PLA1A: variants seen among roughly 807,000 people sequenced by gnomAD.
PLA1A encodes the protein phosphatidylserine-specific phospholipase A1alpha.
Under a neutral mutation model 49.4 loss-of-function variants are expected in PLA1A, and 47 were observed. The ratio of observed to expected loss-of-function variants is 0.95; its 90% CI spans 0.75 to 1.21. The LOEUF (loss-of-function observed/expected upper bound fraction) is 1.21. Ranked by LOEUF, PLA1A falls within the 50% of genes most tolerant of loss-of-function variation. PLA1A has a pLI of 0.00. For missense variants in PLA1A, 561 were observed against 563.9 expected, an observed-to-expected ratio of 0.99 and a Z score of 0.05; for synonymous variants, 224 against 207.9, an observed-to-expected ratio of 1.08 and a Z score of -0.67.
chr3:119,603,262 T>C (rs1326775277), intron 1 of PLA1A, among the ~76,000 whole-genome samples: 1 of 152,138 alleles, frequency 6.6e-6, no homozygotes, highest in African/African-American at 2.4e-5. Context: ...GCTATGGCAG[T>C]GGCTGTGAGA....
chr3:119,602,964 C>T (rs541454816), intron 1 of PLA1A, among the ~76,000 whole-genome samples: 24 of 152,236 alleles, frequency 1.6e-4, no homozygotes, highest in African/African-American at 5.8e-4. Context: ...CGGGCAAAGA[C>T]CCTCAGGCAG....
chr3:119,601,691 G>T (rs1219202686), intron 1 of PLA1A, among the ~76,000 whole-genome samples: 5 of 152,048 alleles, frequency 3.3e-5, no homozygotes, highest in African/African-American at 4.8e-5. Flanking sequence ...CCATTGCATT[G>T]TCTTGTTTCA....
intron 7 of PLA1A, among the ~76,000 whole-genome samples, chr3:119,619,174 T>C (rs1032131): frequency 0.51 from 77,320 of 151,666 alleles, 20,189 homozygotes; most frequent in East Asian, 0.88. Flanking sequence ...ATGCCCTCTC[T>C]CCACCTGTCA....
At chr3:119,617,043 T>C (rs1295331845) in intron 6 of PLA1A, among the ~76,000 whole-genome samples, 2 of 152,156 alleles carry the variant, frequency 1.3e-5, no homozygotes, top group African/African-American at 2.4e-5. Context: ...AGCAACGAGG[T>C]CTCAAGGTGC....
At chr3:119,600,476 G>C in intron 1 of PLA1A, 1 of 694,976 alleles carries the variant, frequency 1.4e-6, no homozygotes, top group Non-Finnish European at 2.6e-6. Flanking sequence ...CCTATTTGCT[G>C]TGGGGCCTGC....
intron 8 of PLA1A, among the ~76,000 whole-genome samples, chr3:119,624,662 G>A (rs1301031925): frequency 2.0e-5 from 3 of 149,604 alleles, no homozygotes; most frequent in Non-Finnish European, 4.4e-5. Context: ...ACGGAGTCTT[G>A]CTCTGCCGCC....
chr3:119,606,875 T>C lies in PLA1A; in HGVS notation c.175T>C (p.Ser59Pro). The C allele has an allele frequency of 6.2e-7, 1 of 1,614,114 alleles. No individual in the cohort carries two copies. Among genetic ancestry groups the C allele is most frequent in the Non-Finnish European group, 8.5e-7 (1 of 1,179,990 alleles). ...LKVQFLLFVPSNPSCGQLVEG... is the reference protein window; with the variant it reads ...LKVQFLLFVPPNPSCGQLVEG... The stretch of plus-strand genomic sequence containing the variant: ...AGTCCAGTTTCTCCTCTTTGTCCCT[T>C]CGAATCCTAGCTGTGGGCAGCTAGT... The change falls in exon 2 of 11, where the codon TCG (serine) becomes CCG (proline). Residue 59 changes from serine to proline, a missense_variant. Transcript: ENST00000273371.
At chr3:119,617,714 G>C (rs1004505564) in intron 6 of PLA1A, among the ~76,000 whole-genome samples, 2 of 149,990 alleles carry the variant, frequency 1.3e-5, no homozygotes, top group African/African-American at 2.5e-5. Context: ...TTACACTCCA[G>C]CCTGGGTGAC....
chr3:119,610,192 A>G (rs1333897167), intron 4 of PLA1A, among the ~76,000 whole-genome samples: 1 of 152,226 alleles, frequency 6.6e-6, no homozygotes, highest in Non-Finnish European at 1.5e-5. Context: ...TCCATAGGGT[A>G]TATGTACCAC....
At chr3:119,602,104 T>C (rs752595526) in intron 1 of PLA1A, among the ~76,000 whole-genome samples, 1 of 152,188 alleles carries the variant, frequency 6.6e-6, no homozygotes, top group African/African-American at 2.4e-5. Flanking sequence ...TGTTTATGTT[T>C]ATAAATGAAA....
At chr3:119,607,029 T>G in intron 2 of PLA1A, 54 bp downstream of exon 2, 1 of 1,405,548 alleles carries the variant, frequency 7.1e-7, no homozygotes, top group South Asian at 1.2e-5. Flanking sequence ...CAAGTAACCA[T>G]AATACCATAA....
intron 1 of PLA1A, among the ~76,000 whole-genome samples, chr3:119,604,484 A>G (rs2082660304): frequency 6.6e-6 from 1 of 152,232 alleles, no homozygotes; most frequent in African/African-American, 2.4e-5. Context: ...ACTGGAGGCC[A>G]TTATGTTAAG....
rs759456579 is a variant in PLA1A, at chr3:119,625,277, G to A, written c.1121+45G>A. On this transcript the variant is annotated intron_variant, in intron 9 of 10. Transcript: ENST00000273371. ...GGTTGACTCCTCCCCTTAGGAGTTG[G>A]TTACTTTTTCATTTTACACACATGG... 3.2e-6 allele frequency: 4 copies of A among 1,269,794 alleles called. No homozygotes were observed. The African/African-American group carries it at 5.9e-5, about 19-fold the overall frequency. 78.7% of individuals were successfully genotyped at this position (1,269,794 alleles called of 1,614,324 possible). A position where few individuals can be genotyped will look rare whatever the true frequency, so the allele number is the denominator to read the frequency against.
intron 5 of PLA1A, among the ~76,000 whole-genome samples, chr3:119,613,478 T>G (rs2082797529): frequency 6.6e-6 from 1 of 152,222 alleles, no homozygotes; most frequent in African/African-American, 2.4e-5. Context: ...GAAGATTTTT[T>G]AGGATGGGTG....
At chr3:119,615,751 C>T (rs567663235) in intron 5 of PLA1A, among the ~76,000 whole-genome samples, 1 of 151,400 alleles carries the variant, frequency 6.6e-6, no homozygotes, top group Non-Finnish European at 1.5e-5. Flanking sequence ...GCGGAGGTTG[C>T]AGTGAGAGAA....
intron 7 of PLA1A, 147 bp from the exon 8 acceptor site, chr3:119,619,416 C>T (rs1486638445): frequency 4.6e-6 from 3 of 656,318 alleles, no homozygotes; most frequent in Non-Finnish European, 8.5e-6. Context: ...TCCCAGGACT[C>T]ACCTTAGAAT....
rs367586625 is a variant in PLA1A, at chr3:119,611,336, T to A, written c.563-1681T>A. 1.8e-4 allele frequency among the ~76,000 whole-genome samples: 27 copies of A among 152,346 alleles called. No individual in the cohort carries two copies. The East Asian group carries it at 4.8e-3, about 27-fold the overall frequency. On this transcript the variant is annotated intron_variant, in intron 4 of 10. Coordinates refer to ENST00000273371, the MANE Select transcript of PLA1A (RefSeq NM_015900.4). ...GTGCCATATGAATTTTAGAATAGAT[T>A]TTTATAATTCTGTGAAAAATGACAT...
Position 119,597,924 on chromosome 3 carries a change from G to A in PLA1A, c.11G>A (p.Gly4Asp), listed in dbSNP as rs371927892. 8 of 1,609,466 alleles carry A rather than the reference G, an allele frequency of 5.0e-6. No homozygotes were observed. The South Asian group carries it at 7.8e-5, about 16-fold the overall frequency. MPP[G>D]PWESCFWVGG... ...ATTTCCAGCTCAGCGATGCCCCCAG[G>A]TCCCTGGGAGAGCTGCTTCTGGGTG... The change falls in exon 1 of 11, where the codon GGT (glycine) becomes GAT (aspartate). Residue 4 changes from glycine to aspartate, a missense_variant. By Grantham distance (94) the Gly-to-Asp change is moderately conservative (BLOSUM62 -1). Transcript: ENST00000273371.
chr3:119,629,533 G>A lies in PLA1A; in HGVS notation c.*65G>A. 2.4e-6 allele frequency: 2 copies of A among 842,354 alleles called. No individual in the cohort carries two copies. Among genetic ancestry groups the A allele is most frequent in the Non-Finnish European group, 4.1e-6 (2 of 487,216 alleles). The allele number at this position is 842,354 out of a possible 1,614,324, so 52.2% of individuals were successfully genotyped here. A position where few individuals can be genotyped will look rare whatever the true frequency, so the allele number is the denominator to read the frequency against. On this transcript the variant is annotated 3_prime_UTR_variant, in exon 11 of 11. Coordinates refer to ENST00000273371, the MANE Select transcript of PLA1A (RefSeq NM_015900.4). Reference sequence around the variant, plus strand: ...TTTTTTTGAGAGAGAGGTGTGATGAGGGATGTGTGTGTGCAGCTTATTGTA... The same window carrying A: ...TTTTTTTGAGAGAGAGGTGTGATGAAGGATGTGTGTGTGCAGCTTATTGTA...
Sources: allele counts gnomAD v4.1 joint callset (sites outside exome capture counted in the v4.1 genomes callset), GRCh38; gene constraint gnomAD v4.1.1; transcripts MANE v1.5; gene names NCBI Gene and HGNC (gene_info 2026-07-23, HGNC 2026-07-21).